The following COL28A1 variants were observed in gnomAD, a reference collection of about 807,000 sequenced individuals.
COL28A1 encodes the protein collagen type XXVIII alpha 1 chain, also known as collagen alpha-1(XXVIII) chain.
Under a neutral mutation model 150.2 loss-of-function variants are expected in COL28A1, and 161 were observed. That is an observed-to-expected ratio of 1.07 (90% CI 0.94 to 1.22). The LOEUF (loss-of-function observed/expected upper bound fraction) is 1.22, where lower values mean the gene tolerates loss of function less well. Ranked by LOEUF, COL28A1 falls within the 50% of genes most tolerant of loss-of-function variation. COL28A1 has a pLI of 0.00. For missense variants in COL28A1, 1,617 were observed against 1,388.3 expected, an observed-to-expected ratio of 1.16 and a Z score of -2.62; for synonymous variants, 552 against 469.7, an observed-to-expected ratio of 1.18 and a Z score of -2.26.
intron 17 of COL28A1, 87 bp from the exon 18 acceptor site, chr7:7,452,474 A>G (rs1209682765): frequency 1.3e-6 from 2 of 1,482,416 alleles, no homozygotes; most frequent in Non-Finnish European, 1.8e-6. Context: ...TATATCAACA[A>G]AGTAAAACAG....
At chr7:7,513,063 A>T (rs545695042) in intron 8 of COL28A1, among the ~76,000 whole-genome samples, 1 of 152,236 alleles carries the variant, frequency 6.6e-6, no homozygotes, top group Non-Finnish European at 1.5e-5. Flanking sequence ...ATCTTGTTGC[A>T]GAATAGCAAC....
chr7:7,506,156 G>A (rs536333543), intron 10 of COL28A1, 89 bp from the exon 11 acceptor site: 117 of 799,640 alleles, frequency 1.5e-4, no homozygotes, highest in South Asian at 1.4e-3. Flanking sequence ...AGATCCTGGC[G>A]ATCGAAGTTA....
chr7:7,391,266 TTTCCATG>T (rs1231295984), intron 27 of COL28A1, among the ~76,000 whole-genome samples: 1 of 152,198 alleles, frequency 6.6e-6, no homozygotes, highest in Non-Finnish European at 1.5e-5. Context: ...GGTTGTTCAG[TTTCCATG>T]TAGATGTGCG....
intron 34 of COL28A1, 56 bp downstream of exon 34, chr7:7,360,334 A>G: frequency 6.8e-7 from 1 of 1,461,094 alleles, no homozygotes; most frequent in Non-Finnish European, 9.0e-7. Context: ...TTGTGCACCA[A>G]ATCTGTGCAC....
chr7:7,508,515 T>C (rs1780948780), intron 9 of COL28A1, among the ~76,000 whole-genome samples: 1 of 152,212 alleles, frequency 6.6e-6, no homozygotes, highest in Non-Finnish European at 1.5e-5. Context: ...AGAGAGAAAC[T>C]TCCTCCATAA....
At chr7:7,349,232 C>A in the COL28A1 span, among the ~76,000 whole-genome samples, 1 of 152,016 alleles carries the variant, frequency 6.6e-6, no homozygotes, top group Non-Finnish European at 1.5e-5. Context: ...AGAGAACATA[C>A]TTTGTATGAT....
chr7:7,345,561 G>GT, the COL28A1 span, among the ~76,000 whole-genome samples: 2 of 145,594 alleles, frequency 1.4e-5, no homozygotes, highest in Non-Finnish European at 2.9e-5. Context: ...TTCAGTTTTT[G>GT]TTTTTTTGTG....
downstream of COL28A1, among the ~76,000 whole-genome samples, chr7:7,354,560 T>C (rs1780306578): frequency 6.6e-6 from 1 of 152,198 alleles, no homozygotes; most frequent in Non-Finnish European, 1.5e-5. Flanking sequence ...TGCTTTATTA[T>C]AAAGGCTTGT....
the COL28A1 span, among the ~76,000 whole-genome samples, chr7:7,339,447 G>A: frequency 2.6e-5 from 4 of 152,084 alleles, no homozygotes; most frequent in Non-Finnish European, 5.9e-5. Context: ...TATCAAAATT[G>A]ACTCTCCTGT....
intron 2 of COL28A1, 36 bp from the exon 3 acceptor site, chr7:7,531,940 T>C: frequency 2.3e-6 from 3 of 1,324,082 alleles, no homozygotes; most frequent in Non-Finnish European, 3.2e-6. Flanking sequence ...AAAATAATTA[T>C]TCCTATCATG....
chr7:7,368,768 T>G (rs1308896113), intron 33 of COL28A1, among the ~76,000 whole-genome samples: 2 of 152,212 alleles, frequency 1.3e-5, no homozygotes, highest in African/African-American at 2.4e-5. Flanking sequence ...TCCAGAACTG[T>G]GAAAAATAAA....
intron 15 of COL28A1, among the ~76,000 whole-genome samples, chr7:7,460,674 G>A (rs558588139): frequency 1.3e-5 from 2 of 152,328 alleles, no homozygotes; most frequent in South Asian, 2.1e-4. Flanking sequence ...AAGCCACTGC[G>A]CCCGGCCAAG....
intron 11 of COL28A1, among the ~76,000 whole-genome samples, chr7:7,494,428 C>A (rs1210912289): frequency 6.6e-6 from 1 of 152,136 alleles, no homozygotes; most frequent in Non-Finnish European, 1.5e-5. Flanking sequence ...TTGGTTCTAT[C>A]ATTTACTAAC....
intron 15 of COL28A1, among the ~76,000 whole-genome samples, chr7:7,457,731 A>G (rs904183412): frequency 3.9e-5 from 6 of 152,208 alleles, no homozygotes; most frequent in African/African-American, 1.4e-4. Flanking sequence ...CTGAGAAGGA[A>G]GCAGCCAGAG....
intron 5 of COL28A1, among the ~76,000 whole-genome samples, 185 bp from the exon 6 acceptor site, chr7:7,520,300 C>T (rs1781648050): frequency 6.6e-6 from 1 of 152,172 alleles, no homozygotes; most frequent in Non-Finnish European, 1.5e-5. Context: ...CTTGAATTGG[C>T]AGATTTTCTA....
At chr7:7,506,272 A>G (rs1264846081) in intron 10 of COL28A1, among the ~76,000 whole-genome samples, 1 of 152,258 alleles carries the variant, frequency 6.6e-6, no homozygotes, top group Admixed American at 6.5e-5. Flanking sequence ...ACTTATGCTA[A>G]GAGCAAACAT....
Position 7,375,496 on chromosome 7 carries a change from T to G in COL28A1, c.2324A>C (p.Lys775Thr). 1 of 1,551,026 alleles carries G rather than the reference T, an allele frequency of 6.4e-7. No individual in the cohort carries two copies. Among genetic ancestry groups the G allele is most frequent in the Non-Finnish European group, 8.8e-7 (1 of 1,131,618 alleles). The change falls in exon 31 of 35, where the codon AAA becomes ACA. Residue 775 changes from lysine to threonine, a missense_variant and splice_region_variant. Coordinates refer to ENST00000399429, the MANE Select transcript of COL28A1 (RefSeq NM_001037763.3). ...TGTAATAAGTTTGATAATTTCTTCT[T>G]TCTAGGGGATAAAAAGAAAAATGTA... ...QGPKGDLGLT[K>T]EEIIKLITEI...
At chr7:7,368,585 G>T (rs557224841) in intron 33 of COL28A1, among the ~76,000 whole-genome samples, 1 of 152,186 alleles carries the variant, frequency 6.6e-6, no homozygotes, top group South Asian at 2.1e-4. Context: ...GGGGACTTTG[G>T]GAGGTGATTA....
intron 33 of COL28A1, 50 bp from the exon 34 acceptor site, chr7:7,360,578 A>T (rs1780600530): frequency 6.5e-7 from 1 of 1,548,904 alleles, no homozygotes; most frequent in East Asian, 2.4e-5. Context: ...CAAGTAAAAA[A>T]AATACTAGTT....
Sources: gnomAD v4.1 joint callset for allele counts (sites outside exome capture counted in the v4.1 genomes callset) on GRCh38, gnomAD v4.1.1 for gene constraint, MANE v1.5 for transcripts, NCBI Gene and HGNC (gene_info 2026-07-23, HGNC 2026-07-21) for gene names.